The following AP3D1 variants were observed in gnomAD, a reference collection of about 807,000 sequenced individuals.
AP3D1 encodes adaptor related protein complex 3 subunit delta 1.
In AP3D1, 51 loss-of-function variants were observed where a neutral mutation model predicts 147.6. That is an observed-to-expected ratio of 0.35 (90% CI 0.28 to 0.44). AP3D1 has a LOEUF of 0.44. Ranked by LOEUF, AP3D1 falls within the 20% of genes least tolerant of loss-of-function variation. The pLI is 1.00. For synonymous variants in AP3D1, 760 were observed against 663.0 expected (o/e 1.15, Z -2.25); for missense variants, 1,421 against 1,624.2 (o/e 0.87, Z 2.15).
chr19:2,102,518 G>C (rs1213768135), intron 31 of AP3D1, among the ~76,000 whole-genome samples: 19 of 151,882 alleles, frequency 1.3e-4, no homozygotes. Context: ...CACCAGGTCA[G>C]GATATTGAGA....
chr19:2,153,441 C>T (rs898693799), upstream of AP3D1, among the ~76,000 whole-genome samples: 3 of 151,860 alleles, frequency 2.0e-5, no homozygotes, highest in South Asian at 4.1e-4. Flanking sequence ...TTCGGGAGGC[C>T]GAGGAGGACA....
upstream of AP3D1, among the ~76,000 whole-genome samples, chr19:2,155,531 CAAAAAAAAA>C (rs60793261): frequency 3.6e-5 from 2 of 55,298 alleles, no homozygotes; most frequent in Non-Finnish European, 6.8e-5. Context: ...GACTCTGTCT[CAAAAAAAAA>C]AAAAAAAAAA....
intron 25 of AP3D1, 140 bp downstream of exon 25, chr19:2,111,539 C>G: frequency 7.8e-7 from 1 of 1,279,536 alleles, no homozygotes; most frequent in East Asian, 2.5e-5. Context: ...CGGGCCAGGG[C>G]CAGTCCCCTG....
upstream of AP3D1, among the ~76,000 whole-genome samples, chr19:2,154,354 A>G (rs2019628451): frequency 6.8e-6 from 1 of 147,178 alleles, no homozygotes; most frequent in African/African-American, 2.5e-5. Context: ...ATCTTGGCTC[A>G]CTGCAACCTC....
intron 23 of AP3D1, 95 bp downstream of exon 23, chr19:2,113,241 C>T: frequency 1.4e-6 from 1 of 712,128 alleles, no homozygotes; most frequent in East Asian, 2.8e-5. Flanking sequence ...ACCGCGAGAG[C>T]ACAGGGCCTC....
intron 4 of AP3D1, among the ~76,000 whole-genome samples, chr19:2,133,920 C>G (rs1012027160): frequency 2.6e-5 from 4 of 151,804 alleles, no homozygotes; most frequent in African/African-American, 9.7e-5. Flanking sequence ...CCATCCTGAC[C>G]AACATGGTGA....
chr19:2,108,715 C>T lies in AP3D1; in HGVS notation c.3524G>A (p.Gly1175Asp), dbSNP rs1339729923. 8.8e-6 allele frequency: 14 copies of T among 1,584,118 alleles called. No homozygotes were observed. Among genetic ancestry groups the T allele is most frequent in the South Asian group, 1.2e-5 (1 of 86,320 alleles). The change falls in exon 31 of 32, where the codon GGC becomes GAC. Residue 1175 changes from glycine (G) to aspartate (D), a missense_variant. This residue lies in a region of AP3D1 where 791 missense variants were observed against 761.4 expected (regional missense o/e 1.04). Coordinates refer to ENST00000643116, the MANE Select transcript of AP3D1 (RefSeq NM_001261826.3). ...CASMYSRSIQGHHVCLLVKKG... is the reference protein window; with the variant it reads ...CASMYSRSIQDHHVCLLVKKG... ...TTTCACCAGGAGGCAGACATGGTGG[C>T]CCTGGATGGAGCGGCTGTACATGGA... is the stretch of plus-strand genomic sequence containing the variant.
chr19:2,121,969 C>G, intron 11 of AP3D1, 90 bp from the exon 12 acceptor site: 1 of 1,444,016 alleles, frequency 6.9e-7, no homozygotes, highest in Non-Finnish European at 9.2e-7. Context: ...CGGGTCTCCA[C>G]CTCGGGAGGC....
chr19:2,159,592 G>A (rs1005338822), intron 1 of AP3D1, among the ~76,000 whole-genome samples: 8 of 151,958 alleles, frequency 5.3e-5, no homozygotes, highest in Non-Finnish European at 8.8e-5. Flanking sequence ...GTTTCACCAT[G>A]TTAGCCAGGA....
chr19:2,118,862 G>C lies in AP3D1; in HGVS notation c.1482-30C>G, dbSNP rs746033875. ...GGACAGGAAACACTGTGAGCCCCCAGGATGCCAATCCCGGGGCTCCTCTCT... is the reference window on the plus strand; with the variant it reads ...GGACAGGAAACACTGTGAGCCCCCACGATGCCAATCCCGGGGCTCCTCTCT... On this transcript the variant is annotated intron_variant, in intron 14 of 31. Transcript: ENST00000643116. 3 of 1,596,480 alleles carry C rather than the reference G, an allele frequency of 1.9e-6. No homozygotes were observed. In the African/African-American group the frequency reaches 4.0e-5, roughly 21 times the overall value.
At position 2,116,193 on chromosome 19, in the gene AP3D1, G is replaced by T. The variant is rs542293631; in HGVS notation, c.2073+14C>A. On this transcript the variant is annotated intron_variant, in intron 18 of 31. Transcript: ENST00000643116. ...GAGGGTGCTGAGGGACAGGCACCCGGGGACGGGCCTCACCTTCTGTGGCGA... is the reference window on the plus strand; with the variant it reads ...GAGGGTGCTGAGGGACAGGCACCCGTGGACGGGCCTCACCTTCTGTGGCGA... 80 of 1,613,986 alleles carry T rather than the reference G, an allele frequency of 5.0e-5. No homozygotes were observed. The East Asian group carries it at 5.8e-4, about 12-fold the overall frequency.
chr19:2,124,047 T>C (rs1056012544), intron 9 of AP3D1, among the ~76,000 whole-genome samples, 168 bp from the exon 10 acceptor site: 1 of 152,224 alleles, frequency 6.6e-6, no homozygotes, highest in Non-Finnish European at 1.5e-5. Context: ...TGCAAAAACC[T>C]AGCTCCATCA....
chr19:2,144,290 C>T (rs1037623307), intron 1 of AP3D1, among the ~76,000 whole-genome samples: 3 of 152,202 alleles, frequency 2.0e-5, no homozygotes, highest in South Asian at 2.1e-4. Context: ...GCTCTTTCAA[C>T]AGCCCGGGAC....
At chr19:2,142,192 A>G (rs1281238570) in intron 1 of AP3D1, among the ~76,000 whole-genome samples, 1 of 151,662 alleles carries the variant, frequency 6.6e-6, no homozygotes, top group Non-Finnish European at 1.5e-5. Context: ...TAATTTCTAT[A>G]TTTTTAGAGG....
Position 2,121,177 on chromosome 19 carries a change from G to A in AP3D1, c.1236C>T (p.Ile412=). The A allele has an allele frequency of 1.2e-6, 2 of 1,614,206 alleles. No homozygotes were observed. Among genetic ancestry groups the A allele is most frequent in the African/African-American group, 2.7e-5 (2 of 75,062 alleles). The change falls in exon 13 of 32, where the codon ATC becomes ATT. Residue 412 remains isoleucine, a synonymous_variant. Transcript: ENST00000643116. ...GCGGGACGCACCACTCGAAGTTGGTGATGTACTGGTAGTTGGACTGGCTGC... is the reference window on the plus strand; with the variant it reads ...GCGGGACGCACCACTCGAAGTTGGTAATGTACTGGTAGTTGGACTGGCTGC... The part of the protein sequence containing the change: ...DICSQSNYQY[I]TNFEWYISIL...
rs565996872 is a variant in AP3D1, at chr19:2,125,155, C to T, written c.857-1276G>A. 3.7e-4 allele frequency among the ~76,000 whole-genome samples: 56 copies of T among 152,128 alleles called. 2 individuals are homozygous for T. In the South Asian group the frequency reaches 0.011, roughly 30 times the overall value. On this transcript the variant is annotated intron_variant, in intron 9 of 31. Transcript: ENST00000643116. ...TACTGAAATAATAATTTTTTTAATA[C>T]AAAAAATACAAATATCTGGAAATGA...
chr19:2,117,392 C>A, intron 15 of AP3D1, 25 bp from the exon 16 acceptor site: 2 of 1,554,958 alleles, frequency 1.3e-6, no homozygotes, highest in South Asian at 1.2e-5. Flanking sequence ...GGGGTCACTG[C>A]TGGCACCTGC....
upstream of AP3D1, among the ~76,000 whole-genome samples, chr19:2,155,531 C>CAAAAA (rs60793261): frequency 1.8e-5 from 1 of 55,266 alleles, no homozygotes; most frequent in Non-Finnish European, 3.4e-5. Context: ...GACTCTGTCT[C>CAAAAA]AAAAAAAAAA....
intron 1 of AP3D1, among the ~76,000 whole-genome samples, chr19:2,158,685 C>T (rs1008121879): frequency 1.3e-5 from 2 of 151,530 alleles, no homozygotes; most frequent in East Asian, 1.9e-4. Context: ...CTTACTGCAA[C>T]CTCCGCCTCC....
Sources: allele counts gnomAD v4.1 joint callset (sites outside exome capture counted in the v4.1 genomes callset), GRCh38; gene constraint gnomAD v4.1.1; regional missense constraint gnomAD v4.1.1; transcripts MANE v1.5; gene names NCBI Gene and HGNC (gene_info 2026-07-23, HGNC 2026-07-21).